TLL1: variants seen among roughly 807,000 people sequenced by gnomAD.
TLL1 encodes tolloid-like protein 1.
A neutral mutation model predicts 128.2 loss-of-function variants in TLL1; 49 were observed. The observed-to-expected ratio is 0.38, with a 90% CI of 0.30 to 0.48. The LOEUF (loss-of-function observed/expected upper bound fraction) is 0.48. Ranked by LOEUF, TLL1 falls within the 20% of genes least tolerant of loss-of-function variation. The pLI is 0.96. For missense variants in TLL1, 1,123 were observed against 1,242.0 expected (o/e 0.90, Z 1.44); for synonymous variants, 454 against 418.8 (o/e 1.08, Z -1.03).
intron 19 of TLL1, among the ~76,000 whole-genome samples, chr4:166,093,555 CA>C (rs1741877874): frequency 6.6e-6 from 1 of 152,130 alleles, no homozygotes; most frequent in Admixed American, 6.5e-5. Context: ...ATTCAGTTCC[CA>C]GGGGCAGGCA....
At chr4:165,956,272 A>G (rs773338564) in intron 1 of TLL1, among the ~76,000 whole-genome samples, 18 of 152,174 alleles carry the variant, frequency 1.2e-4, no homozygotes, top group African/African-American at 3.9e-4. Context: ...AGAGCAGAGA[A>G]CCGATCTGAC....
chr4:165,963,054 CA>C (rs869191830), intron 1 of TLL1, among the ~76,000 whole-genome samples: 739 of 18,288 alleles, frequency 0.04, 35 homozygotes, highest in Non-Finnish European at 0.061. Context: ...GGCTCTGTCT[CA>C]AAAAAAAAAA....
intron 1 of TLL1, among the ~76,000 whole-genome samples, chr4:165,899,817 T>C (rs889957883): frequency 1.4e-4 from 22 of 152,182 alleles, no homozygotes; most frequent in African/African-American, 5.1e-4. Flanking sequence ...ATATTGACAG[T>C]GGGTGTTAAA....
At chr4:166,086,619 C>G (rs1329847158) in intron 18 of TLL1, among the ~76,000 whole-genome samples, 1 of 152,116 alleles carries the variant, frequency 6.6e-6, no homozygotes, top group Non-Finnish European at 1.5e-5. Flanking sequence ...TCTGTCAATC[C>G]TGGATCCCCA....
At chr4:166,070,226 A>G (rs114630936) in intron 16 of TLL1, among the ~76,000 whole-genome samples, 2,392 of 151,970 alleles carry the variant, frequency 0.016, 59 homozygotes, top group African/African-American at 0.054. Context: ...ACATGATGCA[A>G]TTTACTTAAT....
chr4:166,096,245 C>G (rs950726884), intron 19 of TLL1, among the ~76,000 whole-genome samples: 1 of 138,148 alleles, frequency 7.2e-6, no homozygotes, highest in Non-Finnish European at 1.6e-5. Context: ...GTGTGTGTGT[C>G]ACGGTTAGAA....
At chr4:165,879,805 C>T (rs1372719625) in intron 1 of TLL1, among the ~76,000 whole-genome samples, 2 of 152,156 alleles carry the variant, frequency 1.3e-5, no homozygotes, top group South Asian at 4.1e-4. Flanking sequence ...ATCTTGAGCT[C>T]AGACTTAGGC....
chr4:166,012,170 C>T (rs1383647817), intron 7 of TLL1, among the ~76,000 whole-genome samples: 1 of 151,544 alleles, frequency 6.6e-6, no homozygotes, highest in East Asian at 1.9e-4. Context: ...AGCTGATTTG[C>T]TCTTTCAATG....
chr4:166,044,160 A>G (rs1739358995), intron 12 of TLL1, among the ~76,000 whole-genome samples: 1 of 152,170 alleles, frequency 6.6e-6, no homozygotes, highest in Admixed American at 6.5e-5. Flanking sequence ...GAGAAGAACA[A>G]TGAGATGCAG....
At chr4:165,907,478 T>C (rs1327051500) in intron 1 of TLL1, among the ~76,000 whole-genome samples, 1 of 152,154 alleles carries the variant, frequency 6.6e-6, no homozygotes, top group Non-Finnish European at 1.5e-5. Flanking sequence ...AGAGTATGTC[T>C]GGTCAGGAGT....
intron 9 of TLL1, among the ~76,000 whole-genome samples, chr4:166,035,703 C>A (rs1738967207): frequency 6.6e-6 from 1 of 152,108 alleles, no homozygotes; most frequent in Non-Finnish European, 1.5e-5. Context: ...CAGAGACTGG[C>A]AAACATTTCT....
chr4:166,076,814 C>T (rs1159440787), intron 17 of TLL1, among the ~76,000 whole-genome samples: 1 of 151,960 alleles, frequency 6.6e-6, no homozygotes, highest in Admixed American at 6.6e-5. Flanking sequence ...TTACCTTCCA[C>T]TTTATTGTAA....
intron 1 of TLL1, among the ~76,000 whole-genome samples, chr4:165,927,427 T>C (rs1418244256): frequency 6.6e-6 from 1 of 152,238 alleles, no homozygotes; most frequent in Admixed American, 6.5e-5. Context: ...TTTTTTCCCT[T>C]TAGCTGTTGC....
intron 1 of TLL1, among the ~76,000 whole-genome samples, chr4:165,950,137 T>C (rs949203526): frequency 2.0e-5 from 3 of 151,940 alleles, no homozygotes; most frequent in African/African-American, 7.2e-5. Flanking sequence ...TAATATCAAA[T>C]AAAGAAGACT....
At chr4:166,066,420 A>G (rs1740578341) in intron 16 of TLL1, among the ~76,000 whole-genome samples, 1 of 151,814 alleles carries the variant, frequency 6.6e-6, no homozygotes, top group African/African-American at 2.4e-5. Context: ...CCCAGATTTT[A>G]TGGAAATATA....
chr4:166,061,327 C>T (rs1443410778), intron 15 of TLL1, among the ~76,000 whole-genome samples: 1 of 151,292 alleles, frequency 6.6e-6, no homozygotes, highest in Non-Finnish European at 1.5e-5. Flanking sequence ...CTCACTGCAA[C>T]CTCCGCCTCC....
At chr4:165,953,130 T>G (rs996102791) in intron 1 of TLL1, among the ~76,000 whole-genome samples, 1 of 152,184 alleles carries the variant, frequency 6.6e-6, no homozygotes, top group African/African-American at 2.4e-5. Context: ...GTATTAGGTT[T>G]GATATCATGA....
intron 1 of TLL1, among the ~76,000 whole-genome samples, chr4:165,954,718 C>T (rs1383630783): frequency 1.3e-5 from 2 of 151,938 alleles, no homozygotes; most frequent in Admixed American, 6.6e-5. Flanking sequence ...CTGAAAGCAC[C>T]CAGAAACAAA....
chr4:166,067,557 G>A (rs143267757), intron 16 of TLL1, among the ~76,000 whole-genome samples: 2 of 151,758 alleles, frequency 1.3e-5, no homozygotes, highest in African/African-American at 4.8e-5. Context: ...GAGCACCTTG[G>A]TAGTACTTGA....
Sources: allele counts gnomAD v4.1 joint callset (sites outside exome capture counted in the v4.1 genomes callset), GRCh38; gene constraint gnomAD v4.1.1; transcripts MANE v1.5; gene names NCBI Gene and HGNC (gene_info 2026-07-23, HGNC 2026-07-21).